The following NUP35 variants were observed in gnomAD, a reference collection of about 807,000 sequenced individuals.
The protein encoded by NUP35 is nucleoporin NUP35.
Under a neutral mutation model 41.5 loss-of-function variants are expected in NUP35, and 25 were observed. The ratio of observed to expected loss-of-function variants is 0.60; its 90% CI spans 0.44 to 0.84. The LOEUF (loss-of-function observed/expected upper bound fraction) is 0.84, where lower values mean the gene tolerates loss of function less well. Among genes scored for constraint, NUP35 ranks in the 40% least tolerant of loss-of-function variants. The pLI is 0.00. For synonymous variants in NUP35, 149 were observed against 130.7 expected, an observed-to-expected ratio of 1.14 and a Z score of -0.96; for missense variants, 396 against 396.6, an observed-to-expected ratio of 1.00 and a Z score of 0.01.
chr2:183,126,585 G>A (rs1684497084), intron 1 of NUP35, among the ~76,000 whole-genome samples: 1 of 151,338 alleles, frequency 6.6e-6, no homozygotes, highest in African/African-American at 2.4e-5. Context: ...TAATTACAAT[G>A]TAATTAGAGT....
At chr2:183,126,318 C>T (rs1234734659) in intron 1 of NUP35, among the ~76,000 whole-genome samples, 2 of 152,244 alleles carry the variant, frequency 1.3e-5, no homozygotes, top group South Asian at 2.1e-4. Flanking sequence ...CTTGCGCCTT[C>T]TACTGTGTCT....
chr2:183,157,616 A>T (rs970976636), intron 6 of NUP35, 103 bp downstream of exon 6: 17 of 820,234 alleles, frequency 2.1e-5, no homozygotes, highest in Non-Finnish European at 2.6e-5. Context: ...TTAAACTTAA[A>T]TTTTTTTTTG....
intron 4 of NUP35, among the ~76,000 whole-genome samples, chr2:183,139,818 A>G (rs78917054): frequency 0.054 from 8,208 of 152,304 alleles, 285 homozygotes; most frequent in Middle Eastern, 0.082. Flanking sequence ...CTTGCCAACA[A>G]CATAATTTTG....
intron 4 of NUP35, among the ~76,000 whole-genome samples, chr2:183,138,261 A>G (rs1447433541): frequency 7.7e-5 from 4 of 52,012 alleles, no homozygotes; most frequent in Non-Finnish European, 1.9e-4. Context: ...ATATATATAT[A>G]TATATATATT....
upstream of NUP35, chr2:183,124,390 G>A (rs140879391): frequency 5.6e-5 from 90 of 1,613,706 alleles, no homozygotes; most frequent in Non-Finnish European, 7.0e-5. Flanking sequence ...GTTACCCGTG[G>A]GGAGCGTTTC....
Position 183,158,325 on chromosome 2 carries a change from A to G in NUP35, c.652A>G (p.Lys218Glu). The G allele has an allele frequency of 6.2e-7, 1 of 1,608,792 alleles. No homozygotes were observed. Among genetic ancestry groups the G allele is most frequent in the Non-Finnish European group, 8.5e-7 (1 of 1,176,550 alleles). The change falls in exon 7 of 9, where the codon AAA becomes GAA. Residue 218 changes from lysine to glutamate, a missense_variant. Transcript: ENST00000295119. Reference protein sequence around the residue: ...GNWMHIRYQSKLQARKALSKD... With the variant: ...GNWMHIRYQSELQARKALSKD... ...TTGGATGCATATTCGTTATCAATCTAAACTGCAGGCTCGGAAAGCCTTAAG... is the reference window on the plus strand; with the variant it reads ...TTGGATGCATATTCGTTATCAATCTGAACTGCAGGCTCGGAAAGCCTTAAG...
In NUP35 at chr2:183,160,981, G is replaced by A. The variant is rs556199032; in HGVS notation, c.904-73G>A. ...ATTTTGGTGTTTCTCTTTTAAATGA[G>A]CAATTCTAGAATTGCCTATGACACT... On this transcript the variant is annotated intron_variant, in intron 8 of 8. Transcript: ENST00000295119. The A allele has an allele frequency of 5.5e-6, 6 of 1,094,992 alleles. No homozygotes were observed. The African/African-American group carries it at 7.9e-5, about 14-fold the overall frequency. The allele number at this position is 1,094,992 out of a possible 1,614,324, so 67.8% of individuals were successfully genotyped here.
chr2:183,151,899 A>G (rs3762477), intron 5 of NUP35, among the ~76,000 whole-genome samples: 34,898 of 152,044 alleles, frequency 0.23, 4,334 homozygotes, highest in African/African-American at 0.32. Flanking sequence ...TTGAGCATGC[A>G]TGTCATTAAC....
intron 4 of NUP35, among the ~76,000 whole-genome samples, chr2:183,144,443 A>G (rs1025948199): frequency 6.6e-6 from 1 of 152,234 alleles, no homozygotes; most frequent in Admixed American, 6.5e-5. Context: ...TAACACCGCC[A>G]GGAACCTCTT....
chr2:183,139,713 T>G (rs1381299526), intron 4 of NUP35, among the ~76,000 whole-genome samples: 2 of 152,024 alleles, frequency 1.3e-5, no homozygotes, highest in East Asian at 3.9e-4. Context: ...GAGATTAGAG[T>G]GTTGTTTCCA....
chr2:183,128,220 T>G (rs1043391613), intron 1 of NUP35, 67 bp from the exon 2 acceptor site: 4 of 1,287,430 alleles, frequency 3.1e-6, no homozygotes, highest in East Asian at 2.6e-5. Flanking sequence ...TCTTGCATGT[T>G]TTTGTCATCA....
At chr2:183,144,264 A>T (rs1239863518) in intron 4 of NUP35, among the ~76,000 whole-genome samples, 1 of 152,166 alleles carries the variant, frequency 6.6e-6, no homozygotes, top group Non-Finnish European at 1.5e-5. Context: ...CCAACTAGGG[A>T]AGCTCACTGG....
chr2:183,153,536 AG>A (rs989648068), intron 5 of NUP35, among the ~76,000 whole-genome samples: 9 of 152,144 alleles, frequency 5.9e-5, no homozygotes, highest in African/African-American at 2.2e-4. Flanking sequence ...CAAAATCCAG[AG>A]GGGCAGTCAA....
In NUP35 at chr2:183,161,358, T is replaced by C. The variant is rs1385642896; in HGVS notation, c.*227T>C. The C allele has an allele frequency of 1.4e-5, 5 of 349,572 alleles. No individual in the cohort carries two copies. The highest frequency in any genetic ancestry group is 2.7e-5 in the Non-Finnish European group (5 of 187,420). 21.7% of individuals were successfully genotyped at this position (349,572 alleles called of 1,614,324 possible). ...AAAAATCCCTGTAAATAGGATTTTG[T>C]GCTTTCTGTAACAGTGCATGCTTCA... is the stretch of plus-strand genomic sequence containing the variant. On this transcript the variant is annotated 3_prime_UTR_variant, in exon 9 of 9. Transcript: ENST00000295119.
rs372845760 is a variant in NUP35 at position 183,158,448 on chromosome 2, T to A, written c.738+37T>A. On this transcript the variant is annotated intron_variant, in intron 7 of 8. Transcript: ENST00000295119. ...GTGATGTAGGCAAAGTAGCTTAATC[T>A]ATATGAAGAGCACAAGACCAAGGAT... 2.6e-6 allele frequency: 4 copies of A among 1,539,214 alleles called. No homozygotes were observed. In the African/African-American group the frequency reaches 4.1e-5, roughly 16 times the overall value.
chr2:183,156,900 A>G (rs1381015965), intron 5 of NUP35, among the ~76,000 whole-genome samples: 2 of 152,178 alleles, frequency 1.3e-5, no homozygotes, highest in African/African-American at 4.8e-5. Context: ...GAATTTTCTC[A>G]TGCAGAGATA....
At chr2:183,137,598 G>A (rs897048099) in intron 4 of NUP35, among the ~76,000 whole-genome samples, 1 of 151,914 alleles carries the variant, frequency 6.6e-6, no homozygotes. Context: ...AGAAATAATT[G>A]AGTCAGTAAG....
At chr2:183,153,042 G>T (rs934188862) in intron 5 of NUP35, among the ~76,000 whole-genome samples, 8 of 152,248 alleles carry the variant, frequency 5.3e-5, no homozygotes, top group African/African-American at 1.7e-4. Flanking sequence ...GGTGTCAAGA[G>T]AAAATGAGGA....
upstream of NUP35, chr2:183,123,666 C>A: frequency 4.7e-6 from 2 of 423,934 alleles, no homozygotes; most frequent in Non-Finnish European, 6.3e-6. Flanking sequence ...AGTATTTGAG[C>A]AAAACTAAAC....
Sources: allele counts gnomAD v4.1 joint callset (sites outside exome capture counted in the v4.1 genomes callset), GRCh38; gene constraint gnomAD v4.1.1; transcripts MANE v1.5; gene names NCBI Gene and HGNC (gene_info 2026-07-23, HGNC 2026-07-21).